The following NEGR1 variants were observed in gnomAD, a reference collection of about 807,000 sequenced individuals.
NEGR1 encodes neuronal growth regulator 1.
NEGR1 carries 10 observed loss-of-function variants against 40.9 expected under a neutral mutation model. That is an observed-to-expected ratio of 0.24 (90% CI 0.15 to 0.42). The LOEUF (loss-of-function observed/expected upper bound fraction) is 0.42. NEGR1 is among the 10% of genes least tolerant of loss of function. NEGR1 has a pLI of 1.00. For synonymous variants in NEGR1, 185 were observed against 166.8 expected, an observed-to-expected ratio of 1.11 and a Z score of -0.84; for missense variants, 352 against 438.9, an observed-to-expected ratio of 0.80 and a Z score of 1.77.
chr1:72,169,232 T>C (rs1020936465), intron 1 of NEGR1, among the ~76,000 whole-genome samples: 4 of 152,152 alleles, frequency 2.6e-5, no homozygotes, highest in Non-Finnish European at 5.9e-5. Flanking sequence ...TCTTACAATG[T>C]CTGTATTAGG....
At chr1:71,558,110 C>A (rs768409041) in intron 6 of NEGR1, among the ~76,000 whole-genome samples, 6 of 151,478 alleles carry the variant, frequency 4.0e-5, no homozygotes, top group Non-Finnish European at 8.9e-5. Flanking sequence ...TCTGGTGATG[C>A]TAACCTTAAT....
chr1:72,147,272 G>T (rs1650945569), intron 1 of NEGR1, among the ~76,000 whole-genome samples: 1 of 152,136 alleles, frequency 6.6e-6, no homozygotes, highest in Non-Finnish European at 1.5e-5. Flanking sequence ...CACATGGCTG[G>T]AGAGACCTCA....
chr1:71,836,825 G>T (rs1204143394), intron 2 of NEGR1, among the ~76,000 whole-genome samples: 1 of 151,936 alleles, frequency 6.6e-6, no homozygotes, highest in African/African-American at 2.4e-5. Flanking sequence ...AGCATATGGC[G>T]AAGTCAGACC....
intron 1 of NEGR1, among the ~76,000 whole-genome samples, chr1:71,983,942 G>A (rs1035852265): frequency 4.1e-5 from 5 of 121,496 alleles, no homozygotes; most frequent in African/African-American, 1.3e-4. Context: ...TCATGAAATT[G>A]TTCTACCAGT....
chr1:71,799,712 T>G (rs1334940095), intron 2 of NEGR1, among the ~76,000 whole-genome samples: 2 of 149,120 alleles, frequency 1.3e-5, no homozygotes, highest in Non-Finnish European at 3.0e-5. Context: ...ATCTGTTGTC[T>G]CCTGACTTTT....
chr1:71,583,220 AC>A (rs1363558210), intron 6 of NEGR1, among the ~76,000 whole-genome samples: 1 of 152,198 alleles, frequency 6.6e-6, no homozygotes, highest in African/African-American at 2.4e-5. Flanking sequence ...TATGACTATC[AC>A]AACAATAAGA....
chr1:72,133,509 A>C, intron 1 of NEGR1, among the ~76,000 whole-genome samples: 1 of 152,028 alleles, frequency 6.6e-6, no homozygotes, highest in East Asian at 1.9e-4. Context: ...ACTCAGATCT[A>C]TGTTATCAAA....
chr1:71,504,630 G>A (rs1210131225), intron 6 of NEGR1, among the ~76,000 whole-genome samples: 4 of 152,244 alleles, frequency 2.6e-5, no homozygotes, highest in Admixed American at 6.5e-5. Flanking sequence ...TTTGAAGGTG[G>A]GACCCGAGGA....
At chr1:72,264,228 T>C (rs1655562968) in intron 1 of NEGR1, among the ~76,000 whole-genome samples, 1 of 151,304 alleles carries the variant, frequency 6.6e-6, no homozygotes, top group Non-Finnish European at 1.5e-5. Flanking sequence ...ACATTTATTA[T>C]TCATAACAAA....
chr1:71,671,759 G>C (rs1652440081), intron 4 of NEGR1, among the ~76,000 whole-genome samples: 1 of 152,050 alleles, frequency 6.6e-6, no homozygotes, highest in Non-Finnish European at 1.5e-5. Flanking sequence ...ACTGTACTTT[G>C]GCAATCATGG....
chr1:71,872,066 A>T (rs1175774667), intron 2 of NEGR1, among the ~76,000 whole-genome samples: 6 of 152,224 alleles, frequency 3.9e-5, no homozygotes, highest in Non-Finnish European at 8.8e-5. Flanking sequence ...TGGAATAAAA[A>T]TAAATGATGA....
At chr1:71,965,903 G>T (rs556623373) in intron 1 of NEGR1, among the ~76,000 whole-genome samples, 1 of 152,074 alleles carries the variant, frequency 6.6e-6, no homozygotes, top group African/African-American at 2.4e-5. Flanking sequence ...GACAGTAAAA[G>T]ATTATAACTG....
At chr1:71,654,537 T>C (rs1187535701) in intron 4 of NEGR1, among the ~76,000 whole-genome samples, 1 of 152,112 alleles carries the variant, frequency 6.6e-6, no homozygotes, top group Non-Finnish European at 1.5e-5. Flanking sequence ...AAACCATAAA[T>C]ATGGTTGTGA....
At chr1:71,929,573 C>T (rs1645835195) in intron 2 of NEGR1, among the ~76,000 whole-genome samples, 1 of 152,096 alleles carries the variant, frequency 6.6e-6, no homozygotes, top group South Asian at 2.1e-4. Context: ...ATGACTGTTT[C>T]AACATCTGTA....
At chr1:72,024,292 A>G (rs1018595067) in intron 1 of NEGR1, among the ~76,000 whole-genome samples, 11 of 151,960 alleles carry the variant, frequency 7.2e-5, no homozygotes, top group African/African-American at 2.7e-4. Flanking sequence ...TCTATAATAT[A>G]TATGTTTTCA....
In NEGR1 at chr1:71,592,819, T is replaced by G. The variant is rs1649547580; in HGVS notation, c.938A>C (p.Asn313Thr). ...TTTGGTACCATTGCATTACTTACGG[T>G]TAAGAGGCAGGCTCGCATTGGTTGT... is the stretch of plus-strand genomic sequence containing the variant. ...LGTTNASLPL[N>T]PPSTAQYGIT... The change falls in exon 6 of 7, where the codon AAC (asparagine) becomes ACC (threonine). Residue 313 changes from asparagine (N) to threonine (T), a missense_variant and splice_region_variant. By Grantham distance (65) the Asn-to-Thr change is moderately conservative. Transcript: ENST00000357731. 6.2e-7 allele frequency: 1 copy of G among 1,611,612 alleles called. No homozygotes were observed. Among genetic ancestry groups the G allele is most frequent in the Admixed American group, 1.7e-5 (1 of 59,940 alleles).
intron 3 of NEGR1, among the ~76,000 whole-genome samples, chr1:71,704,873 G>A (rs2101636003): frequency 6.6e-6 from 1 of 151,414 alleles, no homozygotes; most frequent in South Asian, 2.1e-4. Context: ...CAAATTTTTG[G>A]TATACCAATC....
intron 6 of NEGR1, among the ~76,000 whole-genome samples, chr1:71,477,869 G>C (rs1478161872): frequency 1.3e-5 from 2 of 150,628 alleles, no homozygotes; most frequent in Non-Finnish European, 3.0e-5. Flanking sequence ...TTAATAGTCA[G>C]ACAACAATGC....
At chr1:71,980,339 C>G (rs1163318861) in intron 1 of NEGR1, among the ~76,000 whole-genome samples, 1 of 152,154 alleles carries the variant, frequency 6.6e-6, no homozygotes, top group Non-Finnish European at 1.5e-5. Flanking sequence ...GATCCATTCT[C>G]TTATGCACTG....
Sources: gnomAD v4.1 joint callset for allele counts (sites outside exome capture counted in the v4.1 genomes callset) on GRCh38, gnomAD v4.1.1 for gene constraint, MANE v1.5 for transcripts, NCBI Gene and HGNC (gene_info 2026-07-23, HGNC 2026-07-21) for gene names.